The following FRMD5 variants were observed in gnomAD, a reference collection of about 807,000 sequenced individuals.
FRMD5 encodes the protein FERM domain containing 5.
A neutral mutation model predicts 69.0 loss-of-function variants in FRMD5; 20 were observed. The observed-to-expected ratio is 0.29, with a 90% CI of 0.20 to 0.42. The LOEUF (loss-of-function observed/expected upper bound fraction) is 0.42, where lower values mean the gene tolerates loss of function less well. Ranked by LOEUF, FRMD5 falls within the 10% of genes least tolerant of loss-of-function variation. The pLI, the probability that FRMD5 is intolerant of heterozygous loss-of-function variation, is 1.00. For synonymous variants in FRMD5, 271 were observed against 260.1 expected (o/e 1.04, Z -0.40); for missense variants, 595 against 708.6 (o/e 0.84, Z 1.82).
chr15:43,879,902 G>A (rs1362525011), intron 13 of FRMD5: 6 of 365,562 alleles, frequency 1.6e-5, no homozygotes, highest in Non-Finnish European at 2.9e-5. Context: ...GAGCAGCTCT[G>A]AGAGGCCACC....
At chr15:43,981,147 C>T (rs569444734) in intron 1 of FRMD5, among the ~76,000 whole-genome samples, 2 of 152,230 alleles carry the variant, frequency 1.3e-5, no homozygotes, top group African/African-American at 4.8e-5. Context: ...TCCCAAGTAG[C>T]TGGGGTTTCA....
intron 1 of FRMD5, among the ~76,000 whole-genome samples, chr15:44,091,040 C>A (rs533041909): frequency 6.6e-6 from 1 of 152,164 alleles, no homozygotes; most frequent in African/African-American, 2.4e-5. Context: ...AATCACAGAA[C>A]CTGTTCCATT....
chr15:44,007,924 G>A (rs569350652), intron 1 of FRMD5, among the ~76,000 whole-genome samples: 22 of 152,036 alleles, frequency 1.4e-4, no homozygotes, highest in African/African-American at 5.1e-4. Context: ...GATCACAGGC[G>A]TGAGCCACTG....
rs955951408 is a variant in FRMD5 at position 44,050,366 on chromosome 15, C to T, written c.103-126057G>A. Among the ~76,000 whole-genome samples the T allele has an allele frequency of 1.3e-5, 2 of 151,872 alleles. 1 individual carries two copies. The highest frequency in any genetic ancestry group is 1.3e-4 in the Admixed American group (2 of 15,248). ...ATAACTAAAGAGTATTTTTCTTTTTCTTTTTTCTTTTGAGACAGAGTCTCA... is the reference window on the plus strand; with the variant it reads ...ATAACTAAAGAGTATTTTTCTTTTTTTTTTTTCTTTTGAGACAGAGTCTCA... On this transcript the variant is annotated intron_variant, in intron 1 of 13. Transcript: ENST00000417257.
chr15:43,919,304 T>C (rs1439394391), intron 4 of FRMD5, 155 bp downstream of exon 4: 7 of 789,316 alleles, frequency 8.9e-6, no homozygotes, highest in East Asian at 7.3e-5. Context: ...GAAGAAAGCA[T>C]GTGGAAATGA....
At chr15:44,001,381 C>G (rs969000741) in intron 1 of FRMD5, among the ~76,000 whole-genome samples, 54 of 152,004 alleles carry the variant, frequency 3.6e-4, no homozygotes, top group African/African-American at 1.3e-3. Context: ...GTTGATGGTT[C>G]CCTCTGCTGT....
intron 1 of FRMD5, among the ~76,000 whole-genome samples, chr15:44,028,776 G>T (rs920348070): frequency 6.6e-6 from 1 of 152,132 alleles, no homozygotes; most frequent in African/African-American, 2.4e-5. Context: ...CACTAAAGTG[G>T]ATGAGGGACC....
chr15:43,956,516 C>A (rs2140526273), intron 1 of FRMD5, among the ~76,000 whole-genome samples: 1 of 151,966 alleles, frequency 6.6e-6, no homozygotes, highest in East Asian at 1.9e-4. Context: ...CTCTAGTGTT[C>A]AACATCTTAA....
At chr15:44,024,631 G>C (rs1320647684) in intron 1 of FRMD5, among the ~76,000 whole-genome samples, 1 of 152,036 alleles carries the variant, frequency 6.6e-6, no homozygotes, top group Admixed American at 6.6e-5. Context: ...TCTTAAATTG[G>C]GGAATTGGTT....
At chr15:43,986,735 A>C (rs906947786) in intron 1 of FRMD5, among the ~76,000 whole-genome samples, 1 of 152,100 alleles carries the variant, frequency 6.6e-6, no homozygotes, top group South Asian at 2.1e-4. Flanking sequence ...TTTTTTATAA[A>C]TACGGACATA....
chr15:44,187,533 T>G (rs748773068), intron 1 of FRMD5, among the ~76,000 whole-genome samples: 4 of 151,790 alleles, frequency 2.6e-5, no homozygotes, highest in Non-Finnish European at 5.9e-5. Flanking sequence ...TCTAATGCTC[T>G]TTACGCATCC....
At chr15:43,879,731 A>AGCCAGGCAGGGAGAGATACAGAGAG (rs375819629) in intron 13 of FRMD5, 8 of 398,764 alleles carry the variant, frequency 2.0e-5, no homozygotes, top group African/African-American at 1.6e-4. Flanking sequence ...CAGAGAAACC[A>AGCCAGGCAGGGAGAGATACAGAGAG]GCCAGGCAGG....
intron 1 of FRMD5, among the ~76,000 whole-genome samples, chr15:43,949,940 G>T (rs574721622): frequency 6.6e-6 from 1 of 152,310 alleles, no homozygotes; most frequent in Admixed American, 6.5e-5. Context: ...ATGCTGCATG[G>T]AGATTCCAAG....
At chr15:43,875,363 A>AAAATAT (rs1366807150) in intron 13 of FRMD5, among the ~76,000 whole-genome samples, 34 of 105,338 alleles carry the variant, frequency 3.2e-4, no homozygotes, top group African/African-American at 1.0e-3. Context: ...AAAAAAAAAA[A>AAAATAT]ATATATATAT....
intron 1 of FRMD5, among the ~76,000 whole-genome samples, chr15:44,015,803 T>C (rs1054334172): frequency 5.9e-5 from 9 of 152,224 alleles, no homozygotes; most frequent in Non-Finnish European, 1.0e-4. Context: ...CACTTACAGA[T>C]AGATGGCTTG....
At chr15:44,182,659 C>G (rs1306013025) in intron 1 of FRMD5, among the ~76,000 whole-genome samples, 1 of 151,972 alleles carries the variant, frequency 6.6e-6, no homozygotes, top group Non-Finnish European at 1.5e-5. Flanking sequence ...TTTTTCAGAG[C>G]TAATACTTTT....
At chr15:44,195,895 G>GCCC (rs1253957655), upstream of FRMD5, among the ~76,000 whole-genome samples, 1 of 8,986 alleles carries the variant, frequency 1.1e-4, no homozygotes, top group Non-Finnish European at 3.3e-3. Flanking sequence ...AACACCCTTT[G>GCCC]CCTCCTTTTT....
At chr15:44,000,619 C>T (rs1890169379) in intron 1 of FRMD5, among the ~76,000 whole-genome samples, 1 of 152,056 alleles carries the variant, frequency 6.6e-6, no homozygotes, top group Non-Finnish European at 1.5e-5. Context: ...GCCACCACAC[C>T]CAGCTAATTT....
intron 1 of FRMD5, among the ~76,000 whole-genome samples, chr15:44,104,325 A>G (rs952438755): frequency 1.3e-5 from 2 of 152,234 alleles, no homozygotes; most frequent in African/African-American, 4.8e-5. Flanking sequence ...AAGTTCATGA[A>G]GTTACAGTAA....
Sources: allele counts gnomAD v4.1 joint callset (sites outside exome capture counted in the v4.1 genomes callset), GRCh38; gene constraint gnomAD v4.1.1; transcripts MANE v1.5; gene names NCBI Gene and HGNC (gene_info 2026-07-23, HGNC 2026-07-21).